The following FHIT variants were observed in gnomAD, a reference collection of about 807,000 sequenced individuals.
The protein encoded by FHIT is fragile histidine triad diadenosine triphosphatase, also known as bis(5'-adenosyl)-triphosphatase.
In FHIT, 19 loss-of-function variants were observed where a neutral mutation model predicts 17.9. The ratio of observed to expected loss-of-function variants is 1.06; its 90% CI spans 0.74 to 1.56. The LOEUF (loss-of-function observed/expected upper bound fraction) is 1.56. FHIT is among the 40% of genes most tolerant of loss of function. The pLI, the probability that FHIT is intolerant of heterozygous loss-of-function variation, is 0.00. For missense variants in FHIT, 248 were observed against 189.2 expected (o/e 1.31, Z -1.82); for synonymous variants, 81 against 69.7 (o/e 1.16, Z -0.81).
At chr3:60,904,480 CAA>C (rs36117889) in intron 3 of FHIT, among the ~76,000 whole-genome samples, 25 of 136,440 alleles carry the variant, frequency 1.8e-4, no homozygotes, top group South Asian at 4.6e-4. Context: ...AATCCAAATG[CAA>C]AAAAAAAAAG....
At chr3:60,415,453 C>T (rs952823858) in intron 5 of FHIT, among the ~76,000 whole-genome samples, 5 of 152,108 alleles carry the variant, frequency 3.3e-5, no homozygotes, top group Admixed American at 6.6e-5. Flanking sequence ...AATCATTAAA[C>T]GATTTCCTGG....
intron 5 of FHIT, among the ~76,000 whole-genome samples, chr3:60,387,436 G>C (rs777981040): frequency 3.9e-5 from 6 of 152,202 alleles, no homozygotes; most frequent in Non-Finnish European, 7.3e-5. Flanking sequence ...TGAGAGGACA[G>C]TGCCTAGCAT....
At chr3:59,803,363 T>C (rs1700074437) in intron 8 of FHIT, among the ~76,000 whole-genome samples, 1 of 152,190 alleles carries the variant, frequency 6.6e-6, no homozygotes. Context: ...TGTTTTAAGA[T>C]CATCTCCTGG....
At chr3:59,923,710 C>G (rs1327566243) in intron 7 of FHIT, among the ~76,000 whole-genome samples, 1 of 152,152 alleles carries the variant, frequency 6.6e-6, no homozygotes, top group African/African-American at 2.4e-5. Context: ...CAAACCTCAT[C>G]CCTGATCACC....
At chr3:60,678,023 A>G (rs555393285) in intron 4 of FHIT, among the ~76,000 whole-genome samples, 1 of 151,766 alleles carries the variant, frequency 6.6e-6, no homozygotes, top group Non-Finnish European at 1.5e-5. Flanking sequence ...CTTCTTTTTC[A>G]TTTCTGACTT....
At chr3:60,872,241 T>C (rs781790386) in intron 3 of FHIT, among the ~76,000 whole-genome samples, 4 of 152,144 alleles carry the variant, frequency 2.6e-5, no homozygotes, top group Non-Finnish European at 4.4e-5. Context: ...TCATGAGCGC[T>C]TGTTGCAAAA....
chr3:60,348,879 A>T (rs1207905720), intron 5 of FHIT, among the ~76,000 whole-genome samples: 5 of 152,198 alleles, frequency 3.3e-5, no homozygotes, highest in Non-Finnish European at 7.3e-5. Context: ...AAATATTTAG[A>T]GCGGAGCTAA....
chr3:61,155,592 C>T (rs1213196270), intron 2 of FHIT, among the ~76,000 whole-genome samples: 2 of 151,506 alleles, frequency 1.3e-5, no homozygotes, highest in Non-Finnish European at 2.9e-5. Flanking sequence ...TCATCTTCTC[C>T]TTTTTTTCTT....
intron 8 of FHIT, among the ~76,000 whole-genome samples, chr3:59,856,483 G>C (rs550569114): frequency 2.0e-5 from 3 of 152,196 alleles, no homozygotes; most frequent in African/African-American, 7.2e-5. Context: ...CCTGTTACTA[G>C]GACCAGGCAT....
intron 5 of FHIT, among the ~76,000 whole-genome samples, chr3:60,129,139 G>A (rs965532488): frequency 4.4e-5 from 6 of 137,006 alleles, no homozygotes; most frequent in South Asian, 2.5e-4. Context: ...TGCAACCTCC[G>A]CCTCCCGGGT....
At chr3:59,963,166 C>T (rs1358884655) in intron 7 of FHIT, among the ~76,000 whole-genome samples, 1 of 151,998 alleles carries the variant, frequency 6.6e-6, no homozygotes, top group Non-Finnish European at 1.5e-5. Context: ...ACTTGGGAGG[C>T]TGAGGCAGCA....
intron 4 of FHIT, among the ~76,000 whole-genome samples, chr3:60,576,869 A>C (rs2037583595): frequency 1.3e-5 from 2 of 151,634 alleles, no homozygotes; most frequent in South Asian, 4.2e-4. Flanking sequence ...TTTACTAGGC[A>C]CTTTGGAAAG....
intron 4 of FHIT, among the ~76,000 whole-genome samples, chr3:60,789,686 C>A (rs1700711559): frequency 1.3e-5 from 2 of 152,040 alleles, no homozygotes; most frequent in Admixed American, 1.3e-4. Flanking sequence ...GACTCTGTCC[C>A]TTGAATAACA....
At chr3:60,981,652 G>C (rs1266917084) in intron 3 of FHIT, among the ~76,000 whole-genome samples, 1 of 151,968 alleles carries the variant, frequency 6.6e-6, no homozygotes, top group African/African-American at 2.4e-5. Flanking sequence ...TCTGTTGCCA[G>C]TACTGGAGTA....
chr3:60,471,939 GATC>G (rs1440120984), intron 5 of FHIT, among the ~76,000 whole-genome samples: 2 of 152,196 alleles, frequency 1.3e-5, no homozygotes, highest in East Asian at 1.9e-4. Context: ...TGACATGAAT[GATC>G]ATATTTTTAA....
Position 61,049,951 on chromosome 3 carries a change from A to G in FHIT, c.-163-7852T>C, listed in dbSNP as rs561666435. Among the ~76,000 whole-genome samples, 169 of 152,266 alleles carry G rather than the reference A, an allele frequency of 1.1e-3. 3 individuals are homozygous for G. Among genetic ancestry groups the G allele is most frequent in the Admixed American group, 9.2e-4 (14 of 15,284 alleles). On this transcript the variant is annotated intron_variant, in intron 2 of 9. Transcript: ENST00000492590. ...GGGACACAGAGAAGAAGCTGAACAA[A>G]CAGGCCTTGCTAAGTTCCCTCCCCC...
intron 5 of FHIT, among the ~76,000 whole-genome samples, chr3:60,432,037 G>A (rs779897583): frequency 6.6e-6 from 1 of 151,960 alleles, no homozygotes; most frequent in African/African-American, 2.4e-5. Context: ...GTGCAGTAGC[G>A]CAATCTTGGC....
intron 5 of FHIT, among the ~76,000 whole-genome samples, chr3:60,075,643 A>G (rs1466595189): frequency 6.6e-6 from 1 of 151,944 alleles, no homozygotes; most frequent in African/African-American, 2.4e-5. Flanking sequence ...GACCTGGTGG[A>G]TGTGGTATGG....
chr3:60,192,800 G>A (rs543892905), intron 5 of FHIT, among the ~76,000 whole-genome samples: 4 of 152,214 alleles, frequency 2.6e-5, no homozygotes, highest in Admixed American at 6.5e-5. Context: ...TACAGGCTGC[G>A]TGACTCATGT....
Sources: allele counts gnomAD v4.1 joint callset (sites outside exome capture counted in the v4.1 genomes callset), GRCh38; gene constraint gnomAD v4.1.1; transcripts MANE v1.5; gene names NCBI Gene and HGNC (gene_info 2026-07-23, HGNC 2026-07-21).